Variants in METAP2 observed in about 807,000 individuals in gnomAD.
The protein encoded by METAP2 is methionyl aminopeptidase 2, also known as methionine aminopeptidase 2.
A neutral mutation model predicts 59.4 loss-of-function variants in METAP2; 25 were observed. The ratio of observed to expected loss-of-function variants is 0.42; its 90% CI spans 0.31 to 0.59. The LOEUF (loss-of-function observed/expected upper bound fraction) is 0.59, where lower values mean the gene tolerates loss of function less well. Ranked by LOEUF, METAP2 falls within the 20% of genes least tolerant of loss-of-function variation. METAP2 has a pLI of 0.16. For synonymous variants in METAP2, 214 were observed against 194.1 expected (o/e 1.10, Z -0.85); for missense variants, 366 against 581.2 (o/e 0.63, Z 3.81).
At chr12:95,510,551 T>C (rs553230164) in intron 8 of METAP2, among the ~76,000 whole-genome samples, 2 of 152,282 alleles carry the variant, frequency 1.3e-5, no homozygotes, top group African/African-American at 4.8e-5. Context: ...GGTGCCTCCA[T>C]GGCCCAAACT....
intron 2 of METAP2, among the ~76,000 whole-genome samples, chr12:95,481,959 A>G (rs1280442681): frequency 6.6e-6 from 1 of 152,232 alleles, no homozygotes; most frequent in African/African-American, 2.4e-5. Flanking sequence ...CTGGCACTTA[A>G]GAGCCCAACA....
At chr12:95,498,330 C>T (rs947676546) in intron 7 of METAP2, among the ~76,000 whole-genome samples, 1 of 151,800 alleles carries the variant, frequency 6.6e-6, no homozygotes, top group African/African-American at 2.4e-5. Flanking sequence ...TGTATAGATT[C>T]TGGATGTTAA....
rs759052425 is a variant in METAP2 at position 95,513,936 on chromosome 12, T to A, written c.*32T>A. The stretch of plus-strand genomic sequence containing the variant: ...TCCAAAGCCACCTCAACACCTTTAT[T>A]TTCTGAGCTTTGTTGGAAAACATGA... On this transcript the variant is annotated 3_prime_UTR_variant, in exon 11 of 11. Transcript: ENST00000323666. 5.1e-6 allele frequency: 8 copies of A among 1,574,952 alleles called. No homozygotes were observed. In the African/African-American group the frequency reaches 1.1e-4, roughly 21 times the overall value.
chr12:95,483,841 C>A (rs1262178627), intron 3 of METAP2, among the ~76,000 whole-genome samples: 1 of 152,098 alleles, frequency 6.6e-6, no homozygotes, highest in Non-Finnish European at 1.5e-5. Context: ...TACCTTCCAG[C>A]TTTTAAATTA....
intron 8 of METAP2, among the ~76,000 whole-genome samples, chr12:95,506,635 T>C (rs1327029030): frequency 6.6e-6 from 1 of 152,040 alleles, no homozygotes; most frequent in East Asian, 1.9e-4. Context: ...TTCTTCCATT[T>C]CATTGTTCTT....
chr12:95,493,844 G>GT (rs539134101), intron 4 of METAP2, among the ~76,000 whole-genome samples: 7 of 152,260 alleles, frequency 4.6e-5, no homozygotes, highest in Non-Finnish European at 7.4e-5. Flanking sequence ...TCACATGAGG[G>GT]TTTTTTTCCC....
intron 3 of METAP2, 159 bp downstream of exon 3, chr12:95,483,439 G>A: frequency 2.4e-6 from 1 of 410,780 alleles, no homozygotes; most frequent in South Asian, 3.2e-5. Context: ...TTGTGCCACT[G>A]CACTGCAGCC....
chr12:95,501,142 C>T (rs779173674), intron 7 of METAP2, among the ~76,000 whole-genome samples: 4 of 151,232 alleles, frequency 2.6e-5, no homozygotes, highest in South Asian at 2.1e-4. Context: ...CCCAAGTAGC[C>T]GGGACCACAG....
At chr12:95,506,262 T>A (rs1040746750) in intron 8 of METAP2, among the ~76,000 whole-genome samples, 31 of 150,910 alleles carry the variant, frequency 2.1e-4, no homozygotes, top group East Asian at 7.7e-4. Flanking sequence ...TTGTATTTTT[T>A]AAAAAATATT....
intron 7 of METAP2, among the ~76,000 whole-genome samples, chr12:95,501,004 G>T (rs2076310752): frequency 7.0e-6 from 1 of 142,296 alleles, no homozygotes; most frequent in Admixed American, 7.8e-5. Flanking sequence ...TTCCTTTGTT[G>T]GGATTTTTTT....
intron 2 of METAP2, among the ~76,000 whole-genome samples, chr12:95,476,539 A>AGAGAGAGAGAGAG (rs773224806): frequency 2.6e-4 from 39 of 148,592 alleles, no homozygotes; most frequent in South Asian, 4.3e-4. Flanking sequence ...AGAAAGAAAG[A>AGAGAGAGAGAGAG]AAAGCTAGAA....
chr12:95,482,331 T>C, intron 2 of METAP2: 1 of 316,524 alleles, frequency 3.2e-6, no homozygotes, highest in South Asian at 2.5e-5. Flanking sequence ...CAGACTGGTC[T>C]CAAACTCCTG....
At chr12:95,478,807 A>C (rs2076139053) in intron 2 of METAP2, among the ~76,000 whole-genome samples, 1 of 152,218 alleles carries the variant, frequency 6.6e-6, no homozygotes, top group African/African-American at 2.4e-5. Context: ...AACCAAACAA[A>C]GGAACTATTT....
chr12:95,507,028 A>G (rs1336838446), intron 8 of METAP2, among the ~76,000 whole-genome samples: 2 of 151,976 alleles, frequency 1.3e-5, no homozygotes, highest in East Asian at 1.9e-4. Context: ...TTGGCCTCCT[A>G]AAGTGCTGGG....
rs370164199 is a variant in METAP2, at chr12:95,510,164, A to C, written c.965-1731A>C. 7.1e-3 allele frequency among the ~76,000 whole-genome samples: 1,085 copies of C among 152,214 alleles called. 10 individuals carry two copies. The highest frequency in any genetic ancestry group is 8.8e-3 in the Non-Finnish European group (597 of 68,018). ...TTTTAGCCCTTTTTTAAAATTTGAA[A>C]TATTAACACAAAATGCACAAAGCAT... On this transcript the variant is annotated intron_variant, in intron 8 of 10. Transcript: ENST00000323666.
In METAP2 at chr12:95,514,034, AAAG is replaced by A. The variant is rs1594443417; in HGVS notation, c.*134_*136del. The A allele has an allele frequency of 1.7e-6, 2 of 1,150,784 alleles. No individual in the cohort carries two copies. Among genetic ancestry groups the A allele is most frequent in the South Asian group, 1.9e-5 (1 of 52,320 alleles). The allele number at this position is 1,150,784 out of a possible 1,614,324, so 71.3% of individuals were successfully genotyped here. ...TGTAATACTTTTATCCATGTTTAAA[AAAG>A]AAGGAATTTGGACAAAGGCAAACCG... On this transcript the variant is annotated 3_prime_UTR_variant, in exon 11 of 11. Coordinates refer to ENST00000323666, the MANE Select transcript of METAP2 (RefSeq NM_006838.4).
Position 95,495,976 on chromosome 12 carries a change from A to C in METAP2, c.773-28A>C, listed in dbSNP as rs561818024. The C allele has an allele frequency of 6.6e-6, 9 of 1,369,706 alleles. 1 individual carries two copies. In the South Asian group the frequency reaches 1.1e-4, roughly 17 times the overall value. 84.8% of individuals were successfully genotyped at this position (1,369,706 alleles called of 1,614,324 possible). On this transcript the variant is annotated intron_variant, in intron 6 of 10. Coordinates refer to ENST00000323666, the MANE Select transcript of METAP2 (RefSeq NM_006838.4). ...AGATAAATTGACTAGCTGATAAGTA[A>C]AATTAAAAGAGGAATTTTCTCTTTC...
At chr12:95,488,685 A>G (rs2076216028) in intron 4 of METAP2, among the ~76,000 whole-genome samples, 1 of 152,094 alleles carries the variant, frequency 6.6e-6, no homozygotes, top group Non-Finnish European at 1.5e-5. Context: ...TTTATTGTCT[A>G]TTAAATAATC....
At chr12:95,497,370 A>G (rs1300075709) in intron 7 of METAP2, among the ~76,000 whole-genome samples, 4 of 152,204 alleles carry the variant, frequency 2.6e-5, no homozygotes, top group Non-Finnish European at 4.4e-5. Flanking sequence ...ACTTAGCACA[A>G]TGTACTCAAG....
Sources: allele counts gnomAD v4.1 joint callset (sites outside exome capture counted in the v4.1 genomes callset), GRCh38; gene constraint gnomAD v4.1.1; transcripts MANE v1.5; gene names NCBI Gene and HGNC (gene_info 2026-07-23, HGNC 2026-07-21).